Variants in NOVA1 observed in about 807,000 individuals in gnomAD.
NOVA1 encodes the protein NOVA alternative splicing regulator 1.
NOVA1 carries 7 observed loss-of-function variants against 38.0 expected under a neutral mutation model. The observed-to-expected ratio is 0.18, with a 90% CI of 0.10 to 0.35. The LOEUF is 0.35. NOVA1 is among the 10% of genes least tolerant of loss of function. The pLI is 1.00. For synonymous variants in NOVA1, 270 were observed against 232.5 expected (o/e 1.16, Z -1.47); for missense variants, 460 against 616.0 (o/e 0.75, Z 2.68).
chr14:26,520,579 G>A (rs1305742195), intron 2 of NOVA1, among the ~76,000 whole-genome samples: 2 of 152,130 alleles, frequency 1.3e-5, no homozygotes, highest in East Asian at 3.9e-4. Flanking sequence ...CAAGATGGCA[G>A]GACATCGCAT....
intron 4 of NOVA1, among the ~76,000 whole-genome samples, chr14:26,468,459 C>T (rs1033584432): frequency 1.3e-5 from 2 of 152,198 alleles, no homozygotes; most frequent in Admixed American, 1.3e-4. Flanking sequence ...CTCAGCCTGC[C>T]TGGCTTAAGT....
intron 2 of NOVA1, among the ~76,000 whole-genome samples, chr14:26,592,114 G>A (rs1178709273): frequency 2.0e-5 from 3 of 151,292 alleles, no homozygotes; most frequent in African/African-American, 7.3e-5. Flanking sequence ...GCATACATCC[G>A]TTATCATTTC....
chr14:26,551,942 C>T (rs940889302), intron 2 of NOVA1, among the ~76,000 whole-genome samples: 4 of 151,958 alleles, frequency 2.6e-5, no homozygotes, highest in Admixed American at 1.3e-4. Context: ...ACAGTGTATG[C>T]TCCTCAAGAC....
rs187697592 is a variant in NOVA1 at position 26,490,902 on chromosome 14, T to G, written c.281-10759A>C. On this transcript the variant is annotated intron_variant, in intron 2 of 4. Transcript: ENST00000539517. ...TCTCGCTCTGTCGCCCAGGCTGGAGTGCAGTGGCGCAATCTCGGCTCACTG... is the reference window on the plus strand; with the variant it reads ...TCTCGCTCTGTCGCCCAGGCTGGAGGGCAGTGGCGCAATCTCGGCTCACTG... Among the ~76,000 whole-genome samples, 612 of 136,128 alleles carry G rather than the reference T, an allele frequency of 4.5e-3. 4 individuals are homozygous for G. The highest frequency in any genetic ancestry group is 0.016 in the African/African-American group (582 of 36,124). 89.3% of individuals were successfully genotyped at this position (136,128 alleles called of 152,430 possible). A position where few individuals can be genotyped will look rare whatever the true frequency, so the allele number is the denominator to read the frequency against.
chr14:26,469,222 C>A (rs1884398253), intron 4 of NOVA1, among the ~76,000 whole-genome samples: 1 of 152,100 alleles, frequency 6.6e-6, no homozygotes, highest in African/African-American at 2.4e-5. Context: ...AACGTTTCTT[C>A]TTCAGTAGGG....
At chr14:26,500,500 A>C (rs1376060484) in intron 2 of NOVA1, among the ~76,000 whole-genome samples, 1 of 151,836 alleles carries the variant, frequency 6.6e-6, no homozygotes, top group Non-Finnish European at 1.5e-5. Context: ...CCTACCTCCC[A>C]GGAGAAAAAA....
chr14:26,495,583 T>C (rs1886702884), intron 2 of NOVA1, among the ~76,000 whole-genome samples: 1 of 138,884 alleles, frequency 7.2e-6, no homozygotes, highest in Non-Finnish European at 1.5e-5. Flanking sequence ...GACATGCTGG[T>C]GCGCTGCACC....
intron 2 of NOVA1, among the ~76,000 whole-genome samples, chr14:26,570,261 A>G (rs1892388797): frequency 6.6e-6 from 1 of 152,000 alleles, no homozygotes; most frequent in Non-Finnish European, 1.5e-5. Flanking sequence ...TCAGGAAAAC[A>G]GCTTGAACCT....
intron 2 of NOVA1, among the ~76,000 whole-genome samples, chr14:26,502,770 ACT>A (rs1304450978): frequency 6.6e-6 from 1 of 152,002 alleles, no homozygotes; most frequent in African/African-American, 2.4e-5. Context: ...TCCTAAGTAA[ACT>A]CAAAAAATAA....
intron 2 of NOVA1, among the ~76,000 whole-genome samples, chr14:26,561,904 C>A (rs1182136641): frequency 6.6e-6 from 1 of 152,066 alleles, no homozygotes; most frequent in African/African-American, 2.4e-5. Flanking sequence ...CTAGTTCAGT[C>A]AGTAAATGCC....
At chr14:26,547,612 G>A (rs116483416) in intron 2 of NOVA1, among the ~76,000 whole-genome samples, 2 of 152,032 alleles carry the variant, frequency 1.3e-5, no homozygotes, top group African/African-American at 4.8e-5. Context: ...AGCAGGTATA[G>A]TTTGTGCCTT....
chr14:26,597,675 G>A lies in NOVA1; in HGVS notation c.-239C>T, dbSNP rs1894295576. 4 of 1,190,720 alleles carry A rather than the reference G, an allele frequency of 3.4e-6. No individual in the cohort carries two copies. Among genetic ancestry groups the A allele is most frequent in the Non-Finnish European group, 4.1e-6 (4 of 964,252 alleles). 73.8% of individuals were successfully genotyped at this position (1,190,720 alleles called of 1,614,324 possible). On this transcript the variant is annotated 5_prime_UTR_variant, in exon 1 of 5. Transcript: ENST00000539517. ...CAGTGCAGTGTCAGAAAGGAGACAG[G>A]GGAATGGAGGGGGTGTGAGAGACGG...
chr14:26,451,798 G>T (rs1029217548), intron 4 of NOVA1, among the ~76,000 whole-genome samples: 1 of 152,056 alleles, frequency 6.6e-6, no homozygotes, highest in African/African-American at 2.4e-5. Context: ...TATTAAAGGT[G>T]CTTTTATGTA....
At chr14:26,585,300 A>T (rs1412675427) in intron 2 of NOVA1, among the ~76,000 whole-genome samples, 1 of 151,396 alleles carries the variant, frequency 6.6e-6, no homozygotes, top group East Asian at 1.9e-4. Flanking sequence ...ATACCTTGAT[A>T]TTTAAGTTAG....
At chr14:26,465,739 C>G (rs923092150) in intron 4 of NOVA1, among the ~76,000 whole-genome samples, 1 of 152,068 alleles carries the variant, frequency 6.6e-6, no homozygotes, top group African/African-American at 2.4e-5. Context: ...TAAGCCTATT[C>G]TTTCAACTAA....
intron 2 of NOVA1, among the ~76,000 whole-genome samples, chr14:26,518,886 T>TA (rs1246626134): frequency 1.3e-5 from 2 of 152,110 alleles, no homozygotes; most frequent in African/African-American, 4.8e-5. Flanking sequence ...AAGGAACTAT[T>TA]ACGACGATTT....
intron 2 of NOVA1, among the ~76,000 whole-genome samples, chr14:26,522,098 T>C (rs139909502): frequency 4.3e-4 from 65 of 152,222 alleles, no homozygotes; most frequent in Middle Eastern, 3.4e-3. Context: ...TCAATATTCA[T>C]ATCAATGTGC....
chr14:26,532,919 T>TA (rs1889822225), intron 2 of NOVA1, among the ~76,000 whole-genome samples: 1 of 152,220 alleles, frequency 6.6e-6, no homozygotes, highest in South Asian at 2.1e-4. Context: ...ATCACCATGC[T>TA]ATATGGTTCA....
At chr14:26,465,782 C>G (rs1884066215) in intron 4 of NOVA1, among the ~76,000 whole-genome samples, 1 of 152,068 alleles carries the variant, frequency 6.6e-6, no homozygotes, top group Non-Finnish European at 1.5e-5. Context: ...TACTGAGGAC[C>G]TATTATGCTC....
Sources: allele counts gnomAD v4.1 joint callset (sites outside exome capture counted in the v4.1 genomes callset), GRCh38; gene constraint gnomAD v4.1.1; transcripts MANE v1.5; gene names NCBI Gene and HGNC (gene_info 2026-07-23, HGNC 2026-07-21).